Variants in CTDSPL2 observed in about 807,000 individuals in gnomAD.
CTDSPL2 encodes CTD small phosphatase like 2, also known as CTD small phosphatase-like protein 2.
A neutral mutation model predicts 60.0 loss-of-function variants in CTDSPL2; 5 were observed. The observed-to-expected ratio is 0.08, with a 90% confidence interval of 0.04 to 0.18. CTDSPL2 has a LOEUF of 0.18. Ranked by LOEUF, CTDSPL2 falls within the 10% of genes least tolerant of loss-of-function variation. The pLI is 1.00. For synonymous variants in CTDSPL2, 186 were observed against 189.3 expected (o/e 0.98, Z 0.14); for missense variants, 370 against 548.8 (o/e 0.67, Z 3.26).
At chr15:44,492,448 T>C (rs984276847) in intron 5 of CTDSPL2, among the ~76,000 whole-genome samples, 1 of 152,226 alleles carries the variant, frequency 6.6e-6, no homozygotes, top group East Asian at 1.9e-4. Context: ...ACAATGGGTT[T>C]ATCAGGGTGT....
At chr15:44,463,181 G>T (rs963696095) in intron 2 of CTDSPL2, among the ~76,000 whole-genome samples, 2 of 151,938 alleles carry the variant, frequency 1.3e-5, no homozygotes, top group Non-Finnish European at 2.9e-5. Flanking sequence ...TTGCTCTGTC[G>T]CCCAGGTTGG....
At position 44,528,832 on chromosome 15, in the gene CTDSPL2, G is replaced by C. The variant is rs1205348075; in HGVS notation, c.*4658G>C. 1 of 152,052 alleles carries C rather than the reference G, an allele frequency of 6.6e-6. No homozygotes were observed. Among genetic ancestry groups the C allele is most frequent in the African/African-American group, 2.4e-5 (1 of 41,396 alleles). The allele number at this position is 152,052 out of a possible 1,614,324, so 9.4% of individuals were successfully genotyped here. On this transcript the variant is annotated 3_prime_UTR_variant, in exon 13 of 13. Coordinates refer to ENST00000260327, the MANE Select transcript of CTDSPL2 (RefSeq NM_016396.3). ...AGTGTCCTTTTGGCATTAAGGTAGG[G>C]GGGAGTTAATATTCTCTCTGCCTTG...
At chr15:44,497,515 G>C (rs1173568950) in intron 7 of CTDSPL2, among the ~76,000 whole-genome samples, 1 of 151,962 alleles carries the variant, frequency 6.6e-6, no homozygotes, top group Non-Finnish European at 1.5e-5. Context: ...ACAGGCGCCT[G>C]CCACCATGCC....
chr15:44,480,454 G>A (rs1327016072), intron 2 of CTDSPL2, among the ~76,000 whole-genome samples: 1 of 152,090 alleles, frequency 6.6e-6, no homozygotes, highest in African/African-American at 2.4e-5. Context: ...TTCTGGTTTC[G>A]TTGTAAATGT....
intron 1 of CTDSPL2, among the ~76,000 whole-genome samples, chr15:44,440,712 A>G (rs1210346833): frequency 6.6e-6 from 1 of 151,438 alleles, no homozygotes; most frequent in Non-Finnish European, 1.5e-5. Context: ...TTGCCTCTTG[A>G]GGTTGTAATT....
At position 44,459,106 on chromosome 15, in the gene CTDSPL2, A is replaced by G. The variant is rs1442169705; in HGVS notation, c.92A>G (p.Asp31Gly). Residue 31 changes from aspartate (D) to glycine (G), a missense_variant, in exon 2 of 13, where the codon GAT (aspartate) becomes GGT (glycine). This residue lies in a region of CTDSPL2 where 287 missense variants were observed against 296.1 expected (regional missense o/e 0.97). Transcript: ENST00000260327. Reference sequence around the variant, plus strand: ...GCAAAGAGGAAATATTCAGAGGTTGATGATAGCCTGCCTTCAGGAGGAGAA... The same window carrying G: ...GCAAAGAGGAAATATTCAGAGGTTGGTGATAGCCTGCCTTCAGGAGGAGAA... ...ARAKRKYSEV[D>G]DSLPSGGEKP... 6.2e-7 allele frequency: 1 copy of G among 1,613,294 alleles called. No individual in the cohort carries two copies. The highest frequency in any genetic ancestry group is 8.5e-7 in the Non-Finnish European group (1 of 1,179,610).
At chr15:44,468,081 TTCC>T in intron 2 of CTDSPL2, among the ~76,000 whole-genome samples, 1 of 152,148 alleles carries the variant, frequency 6.6e-6, no homozygotes. Flanking sequence ...TTGAGGACTG[TTCC>T]TCCTCTTCTG....
chr15:44,465,376 A>C (rs2080664777), intron 2 of CTDSPL2, among the ~76,000 whole-genome samples: 1 of 152,002 alleles, frequency 6.6e-6, no homozygotes, highest in African/African-American at 2.4e-5. Context: ...TTCTTAACTA[A>C]ATGATGTTAC....
At chr15:44,435,256 C>CAAAAAAAA (rs35787192) in intron 1 of CTDSPL2, among the ~76,000 whole-genome samples, 1 of 46,064 alleles carries the variant, frequency 2.2e-5, no homozygotes, top group Non-Finnish European at 4.8e-5. Flanking sequence ...GACTCCGTCT[C>CAAAAAAAA]AAAAAAAAAA....
intron 5 of CTDSPL2, among the ~76,000 whole-genome samples, chr15:44,491,259 T>A (rs1301690605): frequency 6.6e-6 from 1 of 152,194 alleles, no homozygotes; most frequent in Admixed American, 6.5e-5. Flanking sequence ...TGGAGAAATT[T>A]AATACAACTA....
At chr15:44,506,025 C>CGTTTTTTTTTTTTTT in intron 8 of CTDSPL2, among the ~76,000 whole-genome samples, 1 of 117,580 alleles carries the variant, frequency 8.5e-6, no homozygotes, top group East Asian at 2.7e-4. Flanking sequence ...TCATTGGTAA[C>CGTTTTTTTTTTTTTT]TTTTTTTTTT....
At chr15:44,452,110 T>C (rs1236901101) in intron 1 of CTDSPL2, among the ~76,000 whole-genome samples, 1 of 152,116 alleles carries the variant, frequency 6.6e-6, no homozygotes, top group African/African-American at 2.4e-5. Context: ...AAATAAATTA[T>C]GAGACATTTA....
intron 1 of CTDSPL2, among the ~76,000 whole-genome samples, chr15:44,451,617 T>C (rs2080336037): frequency 6.6e-6 from 1 of 152,194 alleles, no homozygotes; most frequent in South Asian, 2.1e-4. Context: ...TGGGTCATAC[T>C]TTACTGTTTC....
At chr15:44,491,396 T>TC (rs1567090644) in intron 5 of CTDSPL2, among the ~76,000 whole-genome samples, 1 of 152,138 alleles carries the variant, frequency 6.6e-6, no homozygotes, top group African/African-American at 2.4e-5. Context: ...ATCAATGACA[T>TC]CCCCCCAAAA....
intron 7 of CTDSPL2, among the ~76,000 whole-genome samples, chr15:44,498,994 T>A (rs2081345786): frequency 6.6e-6 from 1 of 152,194 alleles, no homozygotes. Context: ...GATTCTACAC[T>A]TACATTTGCT....
chr15:44,433,048 G>C (rs2079893070), intron 1 of CTDSPL2, among the ~76,000 whole-genome samples: 1 of 151,890 alleles, frequency 6.6e-6, no homozygotes, highest in Non-Finnish European at 1.5e-5. Context: ...GGGCTTGGTG[G>C]CTCATGATTG....
At chr15:44,441,039 G>A (rs2080075014) in intron 1 of CTDSPL2, among the ~76,000 whole-genome samples, 1 of 152,196 alleles carries the variant, frequency 6.6e-6, no homozygotes, top group African/African-American at 2.4e-5. Flanking sequence ...GGCCTCATGA[G>A]TGGGACTCTA....
chr15:44,486,752 GT>G, intron 4 of CTDSPL2, 52 bp downstream of exon 4: 1 of 989,586 alleles, frequency 1.0e-6, no homozygotes. Flanking sequence ...AAAATGCATA[GT>G]TTGGGTTTTT....
At position 44,486,582 on chromosome 15, in the gene CTDSPL2, T is replaced by C. The variant is rs775931527; in HGVS notation, c.357T>C (p.His119=). 14 of 1,587,548 alleles carry C rather than the reference T, an allele frequency of 8.8e-6. No homozygotes were observed. Among genetic ancestry groups the C allele is most frequent in the Non-Finnish European group, 3.4e-6 (4 of 1,169,748 alleles). The change falls in exon 4 of 13, where the codon CAT becomes CAC. Residue 119 remains histidine (H), a synonymous_variant. Coordinates refer to ENST00000260327, the MANE Select transcript of CTDSPL2 (RefSeq NM_016396.3). The part of the protein sequence containing the change: ...EAGSYEMTNQ[H]VKQNGKLEDN... ...GTAGTTATGAAATGACAAATCAACA[T>C]GTAAAACAAAATGGAAAATTAGAAG...
Sources: gnomAD v4.1 joint callset for allele counts (sites outside exome capture counted in the v4.1 genomes callset) on GRCh38, gnomAD v4.1.1 for gene constraint, gnomAD v4.1.1 regional missense constraint, MANE v1.5 for transcripts, NCBI Gene and HGNC (gene_info 2026-07-23, HGNC 2026-07-21) for gene names.